Variants in CSMD3 observed in about 807,000 individuals in gnomAD.
The protein encoded by CSMD3 is CUB and sushi domain-containing protein 3.
CSMD3 carries 177 observed loss-of-function variants against 435.2 expected under a neutral mutation model. The ratio of observed to expected loss-of-function variants is 0.41; its 90% confidence interval spans 0.36 to 0.46. The LOEUF (loss-of-function observed/expected upper bound fraction) is 0.46. Among genes scored for constraint, CSMD3 ranks in the 20% least tolerant of loss-of-function variants. CSMD3 has a pLI of 0.34. For missense variants in CSMD3, 4,265 were observed against 4,504.6 expected (o/e 0.95, Z 1.52); for synonymous variants, 1,656 against 1,520.5 (o/e 1.09, Z -2.07).
intron 7 of CSMD3, among the ~76,000 whole-genome samples, chr8:112,968,406 A>G (rs2084505399): frequency 6.6e-6 from 1 of 151,884 alleles, no homozygotes; most frequent in Non-Finnish European, 1.5e-5. Context: ...TGTCCATTAC[A>G]ACCTATGCTT....
chr8:113,291,589 G>C (rs920522667), intron 2 of CSMD3, among the ~76,000 whole-genome samples: 1 of 151,814 alleles, frequency 6.6e-6, no homozygotes, highest in African/African-American at 2.4e-5. Flanking sequence ...TCCTTTGAGA[G>C]CATCTCGTTT....
At chr8:112,553,689 A>G (rs1283658527) in intron 25 of CSMD3, among the ~76,000 whole-genome samples, 1 of 152,052 alleles carries the variant, frequency 6.6e-6, no homozygotes, top group Non-Finnish European at 1.5e-5. Context: ...ATCTTAGATT[A>G]AATAACTGAA....
chr8:112,645,548 A>G (rs1032285163), intron 19 of CSMD3, among the ~76,000 whole-genome samples: 2 of 140,648 alleles, frequency 1.4e-5, no homozygotes, highest in Admixed American at 7.0e-5. Flanking sequence ...AGTTGCTCTT[A>G]TTAAGCACTA....
intron 2 of CSMD3, among the ~76,000 whole-genome samples, chr8:113,279,775 T>C (rs1188811061): frequency 6.6e-6 from 1 of 151,824 alleles, no homozygotes; most frequent in Non-Finnish European, 1.5e-5. Context: ...GATTTAAAAA[T>C]AAACTCAGTT....
At chr8:113,404,377 CA>C (rs2094523325) in intron 1 of CSMD3, among the ~76,000 whole-genome samples, 1 of 151,236 alleles carries the variant, frequency 6.6e-6, no homozygotes, top group Non-Finnish European at 1.5e-5. Flanking sequence ...CATAAACATA[CA>C]ATGAATAAAT....
intron 1 of CSMD3, among the ~76,000 whole-genome samples, chr8:113,361,049 G>A (rs530517100): frequency 1.3e-5 from 2 of 151,992 alleles, no homozygotes; most frequent in South Asian, 4.1e-4. Context: ...ACTTTAAATT[G>A]ACTCTATTTT....
chr8:113,285,261 C>CTT (rs11420062), intron 2 of CSMD3, among the ~76,000 whole-genome samples: 125 of 128,126 alleles, frequency 9.8e-4, no homozygotes, highest in Middle Eastern at 4.2e-3. Flanking sequence ...TTGGTGACAG[C>CTT]TTTTTTTTTT....
At chr8:112,361,108 T>C (rs937772903) in intron 38 of CSMD3, among the ~76,000 whole-genome samples, 4 of 152,074 alleles carry the variant, frequency 2.6e-5, no homozygotes, top group African/African-American at 4.8e-5. Flanking sequence ...AAAAGGCTTC[T>C]CTTCTGCTTA....
At chr8:112,825,472 C>A (rs781442981) in intron 12 of CSMD3, among the ~76,000 whole-genome samples, 2 of 152,098 alleles carry the variant, frequency 1.3e-5, no homozygotes, top group African/African-American at 4.8e-5. Context: ...TAGTTTCTAT[C>A]GTTGTGGCTG....
At chr8:112,467,321 A>G (rs1191661454) in intron 32 of CSMD3, among the ~76,000 whole-genome samples, 1 of 152,152 alleles carries the variant, frequency 6.6e-6, no homozygotes, top group Non-Finnish European at 1.5e-5. Context: ...ACACTAACAA[A>G]TATGTCTTCG....
intron 3 of CSMD3, among the ~76,000 whole-genome samples, chr8:113,269,840 G>C (rs1272882917): frequency 6.6e-6 from 1 of 151,860 alleles, no homozygotes; most frequent in East Asian, 1.9e-4. Flanking sequence ...TTAAATGTTA[G>C]ACCTAAAACC....
chr8:113,417,083 T>C (rs2094584981), intron 1 of CSMD3, among the ~76,000 whole-genome samples: 2 of 152,016 alleles, frequency 1.3e-5, no homozygotes, highest in South Asian at 2.1e-4. Context: ...AAAATATTAG[T>C]GAAGAAACTT....
rs56289713 is a variant in CSMD3 at position 112,791,319 on chromosome 8, G to GGAAAAAAAAAAAAAAAAAAAAAAA, written c.1972+8842_1972+8843insTTTTTTTTTTTTTTTTTTTTTTTC. Among the ~76,000 whole-genome samples the GGAAAAAAAAAAAAAAAAAAAAAAA allele has an allele frequency of 5.8e-5, 6 of 103,194 alleles. 3 individuals are homozygous for GGAAAAAAAAAAAAAAAAAAAAAAA. The highest frequency in any genetic ancestry group is 1.6e-4 in the African/African-American group (4 of 25,756). 67.7% of individuals were successfully genotyped at this position (103,194 alleles called of 152,430 possible). A position where few individuals can be genotyped will look rare whatever the true frequency, so the allele number is the denominator to read the frequency against. On this transcript the variant is annotated intron_variant, in intron 13 of 70. Coordinates refer to ENST00000297405, the MANE Select transcript of CSMD3 (RefSeq NM_198123.2). ...CCTGGGTGACAGAGGCATATCCTGT[G>GGAAAAAAAAAAAAAAAAAAAAAAA]AAAAAAAAAAAAAAAAAAAAAGGAA...
intron 4 of CSMD3, among the ~76,000 whole-genome samples, chr8:113,127,078 T>C (rs944501961): frequency 1.3e-5 from 2 of 152,038 alleles, no homozygotes; most frequent in East Asian, 3.9e-4. Flanking sequence ...TATACTAATA[T>C]ATAAATTTAT....
chr8:112,234,283 A>C, intron 68 of CSMD3, 82 bp downstream of exon 68: 1 of 858,082 alleles, frequency 1.2e-6, no homozygotes, highest in Non-Finnish European at 2.0e-6. Flanking sequence ...TAATTAGCTA[A>C]ATTTAGAAAA....
chr8:113,357,125 C>A (rs997643805), intron 1 of CSMD3, among the ~76,000 whole-genome samples: 2 of 152,178 alleles, frequency 1.3e-5, no homozygotes, highest in African/African-American at 4.8e-5. Flanking sequence ...ATTAAACCAT[C>A]TTGTTTGCAC....
At chr8:113,417,701 T>C (rs1237975415) in intron 1 of CSMD3, among the ~76,000 whole-genome samples, 2 of 151,970 alleles carry the variant, frequency 1.3e-5, no homozygotes, top group African/African-American at 4.8e-5. Context: ...CCTGAAACAA[T>C]GCATCCATGA....
At chr8:112,802,515 C>CT (rs1297359409) in intron 12 of CSMD3, among the ~76,000 whole-genome samples, 8 of 151,988 alleles carry the variant, frequency 5.3e-5, no homozygotes, top group African/African-American at 1.9e-4. Flanking sequence ...TATTATTTCT[C>CT]TTTTTTGCAA....
chr8:113,021,431 G>A (rs904346755), intron 5 of CSMD3, among the ~76,000 whole-genome samples: 15 of 152,050 alleles, frequency 9.9e-5, no homozygotes, highest in Non-Finnish European at 2.1e-4. Flanking sequence ...TCCCTATTTC[G>A]ATGAACATGA....
Sources: gnomAD v4.1 joint callset for allele counts (sites outside exome capture counted in the v4.1 genomes callset) on GRCh38, gnomAD v4.1.1 for gene constraint, MANE v1.5 for transcripts, NCBI Gene and HGNC (gene_info 2026-07-23, HGNC 2026-07-21) for gene names.